The following SIPA1L3 variants were observed in gnomAD, a reference collection of about 807,000 sequenced individuals.
SIPA1L3 encodes the protein signal-induced proliferation-associated 1-like protein 3.
A neutral mutation model predicts 150.1 loss-of-function variants in SIPA1L3; 59 were observed. The ratio of observed to expected loss-of-function variants is 0.39; its 90% CI spans 0.32 to 0.49. The LOEUF (loss-of-function observed/expected upper bound fraction) is 0.49. SIPA1L3 is among the 20% of genes least tolerant of loss of function. SIPA1L3 has a pLI of 0.86. For synonymous variants in SIPA1L3, 1,070 were observed against 1,077.6 expected, an observed-to-expected ratio of 0.99 and a Z score of 0.14; for missense variants, 2,211 against 2,489.5, an observed-to-expected ratio of 0.89 and a Z score of 2.38.
chr19:38,130,350 C>G (rs1305487639), intron 9 of SIPA1L3, 148 bp from the exon 10 acceptor site: 1 of 778,448 alleles, frequency 1.3e-6, no homozygotes, highest in African/African-American at 1.7e-5. Context: ...GCGTGTTCCC[C>G]CTGCGGGTCC....
intron 14 of SIPA1L3, among the ~76,000 whole-genome samples, chr19:38,163,496 A>AC (rs1198737229): frequency 6.6e-6 from 1 of 151,520 alleles, no homozygotes; most frequent in Non-Finnish European, 1.5e-5. Flanking sequence ...TCTCAAAAAA[A>AC]AAAAAAAAAA....
chr19:37,963,446 G>A (rs1197923629), intron 1 of SIPA1L3, among the ~76,000 whole-genome samples: 1 of 152,212 alleles, frequency 6.6e-6, no homozygotes, highest in Admixed American at 6.5e-5. Flanking sequence ...CAGCCAGATC[G>A]TAACCACAGT....
At chr19:38,016,391 T>C (rs1968231203) in intron 1 of SIPA1L3, among the ~76,000 whole-genome samples, 1 of 152,226 alleles carries the variant, frequency 6.6e-6, no homozygotes. Context: ...GTGCCTGTTT[T>C]TCTGCCATCC....
intron 1 of SIPA1L3, among the ~76,000 whole-genome samples, chr19:37,910,976 C>G (rs1227134854): frequency 2.1e-4 from 32 of 151,998 alleles, no homozygotes; most frequent in Non-Finnish European, 2.9e-5. Context: ...TTGAATTTAG[C>G]TTAAAAAAAG....
intron 1 of SIPA1L3, among the ~76,000 whole-genome samples, chr19:37,992,750 A>G (rs1967542268): frequency 6.6e-6 from 1 of 152,016 alleles, no homozygotes; most frequent in African/African-American, 2.4e-5. Flanking sequence ...ATGAGGCTCC[A>G]TGTGGTTTTT....
At chr19:38,026,926 A>G (rs781451242) in intron 1 of SIPA1L3, among the ~76,000 whole-genome samples, 1 of 152,208 alleles carries the variant, frequency 6.6e-6, no homozygotes, top group Non-Finnish European at 1.5e-5. Context: ...AATATCACAA[A>G]ATATCATTTA....
At chr19:38,000,896 A>ATATATATATATATGT (rs1967772347) in intron 1 of SIPA1L3, among the ~76,000 whole-genome samples, 1 of 19,608 alleles carries the variant, frequency 5.1e-5, no homozygotes, top group Non-Finnish European at 9.1e-5. Flanking sequence ...TATATATGTT[A>ATATATATATATATGT]TATATATATA....
At chr19:38,049,600 C>A (rs1394338141) in intron 2 of SIPA1L3, among the ~76,000 whole-genome samples, 1 of 152,172 alleles carries the variant, frequency 6.6e-6, no homozygotes, top group African/African-American at 2.4e-5. Flanking sequence ...GGGCTTACCC[C>A]CAGGAGTCAG....
chr19:38,124,394 T>C (rs1971117777), intron 9 of SIPA1L3, among the ~76,000 whole-genome samples: 1 of 144,908 alleles, frequency 6.9e-6, no homozygotes, highest in Non-Finnish European at 1.5e-5. Context: ...TCCCCACATC[T>C]CAGACGATGG....
At chr19:38,073,973 T>C (rs569626908) in intron 2 of SIPA1L3, among the ~76,000 whole-genome samples, 63 of 152,298 alleles carry the variant, frequency 4.1e-4, no homozygotes, top group African/African-American at 1.5e-3. Context: ...ATTTTACAGA[T>C]TGAAACTGAG....
At chr19:38,056,165 A>G (rs1469428401) in intron 2 of SIPA1L3, among the ~76,000 whole-genome samples, 1 of 152,234 alleles carries the variant, frequency 6.6e-6, no homozygotes, top group African/African-American at 2.4e-5. Context: ...TCTGAGGAGC[A>G]GTCAGATCTT....
intron 2 of SIPA1L3, among the ~76,000 whole-genome samples, chr19:38,066,364 C>CACCCGGATTCACTT (rs1355833995): frequency 1.3e-5 from 2 of 152,092 alleles, no homozygotes; most frequent in East Asian, 3.9e-4. Context: ...GGAATAGAGG[C>CACCCGGATTCACTT]ACCCGGATTC....
intron 1 of SIPA1L3, among the ~76,000 whole-genome samples, chr19:37,981,663 C>T (rs556362398): frequency 6.6e-5 from 10 of 152,214 alleles, no homozygotes; most frequent in East Asian, 3.9e-4. Flanking sequence ...GTGGTAGCAG[C>T]GTCGCCATCA....
intron 1 of SIPA1L3, among the ~76,000 whole-genome samples, chr19:37,999,856 A>T (rs898583335): frequency 1.3e-5 from 2 of 152,284 alleles, no homozygotes; most frequent in Non-Finnish European, 2.9e-5. Context: ...AATGAAGCTT[A>T]TAGTTGGTCA....
intron 1 of SIPA1L3, among the ~76,000 whole-genome samples, chr19:37,929,742 C>CA (rs2046536359): frequency 6.6e-6 from 1 of 152,138 alleles, no homozygotes; most frequent in Non-Finnish European, 1.5e-5. Context: ...GAGAGGATGC[C>CA]AGTCAAGTGC....
Position 38,034,213 on chromosome 19 carries a change from T to A in SIPA1L3, c.-311+5057T>A, listed in dbSNP as rs559319840. 2.0e-5 allele frequency among the ~76,000 whole-genome samples: 3 copies of A among 152,172 alleles called. No individual in the cohort carries two copies. The South Asian group carries it at 6.2e-4, about 32-fold the overall frequency. Reference sequence around the variant, plus strand: ...CCAGAGAAAAAATGAATTGAGAGTATCTGTTGGGGTGGCCAGCCAGCACTG... The same window carrying A: ...CCAGAGAAAAAATGAATTGAGAGTAACTGTTGGGGTGGCCAGCCAGCACTG... On this transcript the variant is annotated intron_variant, in intron 2 of 21. Coordinates refer to ENST00000222345, the MANE Select transcript of SIPA1L3 (RefSeq NM_015073.3).
At chr19:38,111,877 GCACACGTGCACAGGCACATGCACACA>G (rs1400731800) in intron 8 of SIPA1L3, among the ~76,000 whole-genome samples, 4 of 151,782 alleles carry the variant, frequency 2.6e-5, no homozygotes, top group African/African-American at 9.7e-5. Context: ...ACATGCACAC[GCACACGTGCACAGGCACATGCACACA>G]CACACATGCA....
At chr19:37,932,014 T>C (rs1342040935) in intron 1 of SIPA1L3, among the ~76,000 whole-genome samples, 1 of 152,216 alleles carries the variant, frequency 6.6e-6, no homozygotes, top group Non-Finnish European at 1.5e-5. Context: ...GTGGTTGTTA[T>C]TATTAGCCAG....
chr19:38,196,289 G>A (rs535212780), intron 18 of SIPA1L3, among the ~76,000 whole-genome samples: 1 of 152,366 alleles, frequency 6.6e-6, no homozygotes, highest in South Asian at 2.1e-4. Context: ...CAGCAGGCTA[G>A]AGGCACAGAA....
Sources: gnomAD v4.1 joint callset for allele counts (sites outside exome capture counted in the v4.1 genomes callset) on GRCh38, gnomAD v4.1.1 for gene constraint, MANE v1.5 for transcripts, NCBI Gene and HGNC (gene_info 2026-07-23, HGNC 2026-07-21) for gene names.